RGS6: variants seen among roughly 807,000 people sequenced by gnomAD.
RGS6 encodes regulator of G-protein signaling 6.
Under a neutral mutation model 78.5 loss-of-function variants are expected in RGS6, and 30 were observed. That is an observed-to-expected ratio of 0.38 (90% CI 0.29 to 0.52). RGS6 has a LOEUF of 0.52. RGS6 is among the 20% of genes least tolerant of loss of function. The probability of loss-of-function intolerance (pLI) is 0.85; values close to 1 mark genes in which losing one functional copy is unlikely to be tolerated. For missense variants in RGS6, 495 were observed against 609.7 expected, an observed-to-expected ratio of 0.81 and a Z score of 1.98; for synonymous variants, 206 against 206.0, an observed-to-expected ratio of 1.00 and a Z score of 0.00.
At chr14:72,485,596 C>T (rs922378345) in intron 12 of RGS6, among the ~76,000 whole-genome samples, 1 of 152,240 alleles carries the variant, frequency 6.6e-6, no homozygotes, top group African/African-American at 2.4e-5. Flanking sequence ...CCTTGATGAA[C>T]TTGCCTTCAC....
At position 72,070,493 on chromosome 14, in the gene RGS6, T is replaced by C. The variant is rs550540646; in HGVS notation, c.84+105618T>C. ...TGGCCAAGATTTGAGACAGGCAAGT[T>C]TCCTTGCACTCCAGGAATGTAGCTT... On this transcript the variant is annotated intron_variant, in intron 2 of 17. Transcript: ENST00000553525. Among the ~76,000 whole-genome samples the C allele has an allele frequency of 2.0e-5, 3 of 152,324 alleles. No individual in the cohort carries two copies. The South Asian group carries it at 6.2e-4, about 32-fold the overall frequency.
At chr14:71,892,135 T>G in the RGS6 span, among the ~76,000 whole-genome samples, 1 of 152,180 alleles carries the variant, frequency 6.6e-6, no homozygotes, top group Non-Finnish European at 1.5e-5. Flanking sequence ...CTAATTGCCC[T>G]TCTCTTTCAA....
chr14:72,004,935 G>T (rs1415120204), intron 2 of RGS6, among the ~76,000 whole-genome samples: 1 of 152,216 alleles, frequency 6.6e-6, no homozygotes, highest in Non-Finnish European at 1.5e-5. Context: ...CCATTCATGT[G>T]TCTACCAATG....
At chr14:71,987,312 G>T (rs1025626873) in intron 2 of RGS6, among the ~76,000 whole-genome samples, 1 of 152,122 alleles carries the variant, frequency 6.6e-6, no homozygotes, top group Non-Finnish European at 1.5e-5. Context: ...GAAAAGAGGA[G>T]AGTTTCAGAG....
In RGS6 at chr14:72,192,730, T is replaced by G. The variant is rs187767774; in HGVS notation, c.85-159365T>G. ...AATAAAGGCAATAAAAGATATCTCC[T>G]GGTAGGATATAATTTTCTTTCTTTC... On this transcript the variant is annotated intron_variant, in intron 2 of 17. Coordinates refer to ENST00000553525, the MANE Select transcript of RGS6 (RefSeq NM_001204424.2). Among the ~76,000 whole-genome samples the G allele has an allele frequency of 3.9e-5, 6 of 152,364 alleles. No homozygotes were observed. The East Asian group carries it at 1.2e-3, about 29-fold the overall frequency.
chr14:72,456,231 ACAGT>A (rs2095626433), intron 4 of RGS6, among the ~76,000 whole-genome samples: 1 of 152,164 alleles, frequency 6.6e-6, no homozygotes, highest in African/African-American at 2.4e-5. Flanking sequence ...GCCTTGGGAA[ACAGT>A]CAGATCCAGC....
chr14:72,572,624 G>C, the RGS6 span, among the ~76,000 whole-genome samples: 7 of 152,262 alleles, frequency 4.6e-5, no homozygotes, highest in Admixed American at 2.6e-4. Context: ...AAGTAGACTA[G>C]TTGTTGCCTA....
chr14:72,352,039 CA>C (rs1360800367), intron 2 of RGS6, 55 bp from the exon 3 acceptor site: 20 of 1,332,352 alleles, frequency 1.5e-5, no homozygotes, highest in East Asian at 1.5e-4. Context: ...AAAAAGGTAC[CA>C]TTTATAATTA....
chr14:72,462,881 A>G (rs567946454), intron 6 of RGS6, among the ~76,000 whole-genome samples: 288 of 152,336 alleles, frequency 1.9e-3, no homozygotes, highest in Non-Finnish European at 3.7e-3. Flanking sequence ...AAGTCATCAG[A>G]AAGTATGAGG....
At chr14:72,574,011 G>A in the RGS6 span, among the ~76,000 whole-genome samples, 1 of 152,152 alleles carries the variant, frequency 6.6e-6, no homozygotes, top group Admixed American at 6.5e-5. Context: ...TTACAAATTG[G>A]ATTAGTGGAT....
chr14:72,623,991 G>A, the RGS6 span, among the ~76,000 whole-genome samples: 1 of 152,164 alleles, frequency 6.6e-6, no homozygotes, highest in Non-Finnish European at 1.5e-5. Context: ...ACCTGAATAT[G>A]TTACCACTGG....
At chr14:72,596,806 A>C in the RGS6 span, among the ~76,000 whole-genome samples, 2 of 152,208 alleles carry the variant, frequency 1.3e-5, no homozygotes, top group Admixed American at 1.3e-4. Flanking sequence ...TTTACAGAGG[A>C]TAAACAGGAT....
intron 3 of RGS6, among the ~76,000 whole-genome samples, chr14:72,383,690 CACTT>C (rs1219987208): frequency 3.3e-5 from 5 of 152,094 alleles, no homozygotes; most frequent in African/African-American, 1.2e-4. Flanking sequence ...TAATTTCTCT[CACTT>C]AATTCCTTCT....
chr14:71,892,104 T>C, the RGS6 span, among the ~76,000 whole-genome samples: 431 of 152,326 alleles, frequency 2.8e-3, 2 homozygotes, highest in African/African-American at 9.8e-3. Flanking sequence ...AGAGTCTCTG[T>C]GTTTTTCACC....
At chr14:72,266,401 G>A (rs180931098) in intron 2 of RGS6, among the ~76,000 whole-genome samples, 20 of 152,238 alleles carry the variant, frequency 1.3e-4, no homozygotes, top group Non-Finnish European at 2.5e-4. Context: ...TGCTGTATTC[G>A]GTGGTTGCAC....
chr14:72,161,942 A>T (rs1165141528), intron 2 of RGS6, among the ~76,000 whole-genome samples: 1 of 152,224 alleles, frequency 6.6e-6, no homozygotes, highest in Non-Finnish European at 1.5e-5. Flanking sequence ...AGGGTATTTG[A>T]CTTCAAATCA....
chr14:72,303,217 C>G (rs994455858), intron 2 of RGS6, among the ~76,000 whole-genome samples: 1 of 152,180 alleles, frequency 6.6e-6, no homozygotes, highest in Admixed American at 6.5e-5. Context: ...TACCAACTTC[C>G]AGGCCAGGTG....
At chr14:72,355,953 C>A (rs2080177626) in intron 3 of RGS6, among the ~76,000 whole-genome samples, 1 of 152,112 alleles carries the variant, frequency 6.6e-6, no homozygotes, top group Non-Finnish European at 1.5e-5. Flanking sequence ...GGGGATGAAG[C>A]CACGTGAGAA....
At chr14:71,964,729 T>C in intron 1 of RGS6, 43 bp from the exon 2 acceptor site, 1 of 1,388,648 alleles carries the variant, frequency 7.2e-7, no homozygotes, top group Non-Finnish European at 1.0e-6. Flanking sequence ...CCTCTTTATA[T>C]AATTCCTTCG....
Sources: gnomAD v4.1 joint callset for allele counts (sites outside exome capture counted in the v4.1 genomes callset) on GRCh38, gnomAD v4.1.1 for gene constraint, MANE v1.5 for transcripts, NCBI Gene and HGNC (gene_info 2026-07-23, HGNC 2026-07-21) for gene names.